CDH18: variants seen among roughly 807,000 people sequenced by gnomAD.
The protein encoded by CDH18 is cadherin-18.
Under a neutral mutation model 67.9 loss-of-function variants are expected in CDH18, and 31 were observed. The observed-to-expected ratio is 0.46, with a 90% CI of 0.34 to 0.62. CDH18 has a LOEUF of 0.62. Ranked by LOEUF, CDH18 falls within the 20% of genes least tolerant of loss-of-function variation. CDH18 has a pLI of 0.01. For missense variants in CDH18, 890 were observed against 975.5 expected (o/e 0.91, Z 1.17); for synonymous variants, 362 against 347.2 (o/e 1.04, Z -0.48).
chr5:20,402,894 C>A (rs975156550), intron 1 of CDH18, among the ~76,000 whole-genome samples: 1 of 151,106 alleles, frequency 6.6e-6, no homozygotes, highest in African/African-American at 2.4e-5. Flanking sequence ...GGTAACAGAG[C>A]AAGCCTTCAT....
rs545718940 is a variant in CDH18 at position 20,502,312 on chromosome 5, G to A, written c.-580+73150C>T. The stretch of plus-strand genomic sequence containing the variant: ...ACACACTCGACCTGTGAAAATATGA[G>A]TAAGAGAAAATATAACACACTACCA... On this transcript the variant is annotated intron_variant, in intron 1 of 14. Coordinates refer to the CDH18 transcript ENST00000507958. Among the ~76,000 whole-genome samples, 10 of 152,260 alleles carry A rather than the reference G, an allele frequency of 6.6e-5. No individual in the cohort carries two copies. The South Asian group carries it at 2.1e-3, about 32-fold the overall frequency.
At chr5:20,034,788 C>T (rs1480089358) in intron 2 of CDH18, among the ~76,000 whole-genome samples, 1 of 151,952 alleles carries the variant, frequency 6.6e-6, no homozygotes, top group Non-Finnish European at 1.5e-5. Context: ...CAATAGATCT[C>T]TCTCTTTCTC....
At chr5:19,808,700 G>A (rs761285836) in intron 3 of CDH18, among the ~76,000 whole-genome samples, 5 of 151,288 alleles carry the variant, frequency 3.3e-5, no homozygotes, top group Non-Finnish European at 5.9e-5. Context: ...GCATGGTGGC[G>A]CACACCTGTG....
chr5:20,557,453 T>C (rs1355143153), intron 1 of CDH18, among the ~76,000 whole-genome samples: 1 of 152,150 alleles, frequency 6.6e-6, no homozygotes, highest in East Asian at 1.9e-4. Flanking sequence ...ACATATGTGA[T>C]AAATAATCCA....
intron 2 of CDH18, among the ~76,000 whole-genome samples, chr5:20,129,159 T>A (rs1455542641): frequency 6.6e-6 from 1 of 151,872 alleles, no homozygotes. Flanking sequence ...AAAGGTTGAT[T>A]GAGACAGAGA....
At chr5:20,113,955 AC>A (rs1347736446) in intron 2 of CDH18, among the ~76,000 whole-genome samples, 3 of 152,112 alleles carry the variant, frequency 2.0e-5, no homozygotes, top group Non-Finnish European at 4.4e-5. Context: ...TTCATTCTTT[AC>A]CCCAACAGTC....
intron 1 of CDH18, among the ~76,000 whole-genome samples, chr5:20,519,487 G>A (rs923390631): frequency 2.0e-5 from 3 of 152,134 alleles, no homozygotes; most frequent in African/African-American, 7.2e-5. Context: ...GGAGGAGAGG[G>A]GAGGGATAGC....
intron 2 of CDH18, among the ~76,000 whole-genome samples, chr5:20,038,688 G>C (rs1248211769): frequency 6.6e-6 from 1 of 151,976 alleles, no homozygotes; most frequent in Non-Finnish European, 1.5e-5. Flanking sequence ...TTGATGAAAT[G>C]TATCTCAAAA....
intron 3 of CDH18, among the ~76,000 whole-genome samples, chr5:19,791,835 TACACTAG>T (rs1776391181): frequency 6.6e-6 from 1 of 152,224 alleles, no homozygotes; most frequent in Admixed American, 6.5e-5. Context: ...CTTATTCATT[TACACTAG>T]CTGAAGTAAG....
At chr5:19,996,012 G>A (rs934587549) in intron 2 of CDH18, among the ~76,000 whole-genome samples, 3 of 151,990 alleles carry the variant, frequency 2.0e-5, no homozygotes, top group Non-Finnish European at 4.4e-5. Context: ...CCAGTAAAGA[G>A]GCAAATGTTC....
At chr5:19,875,370 A>C (rs193247698) in intron 2 of CDH18, among the ~76,000 whole-genome samples, 93 of 152,012 alleles carry the variant, frequency 6.1e-4, no homozygotes, top group African/African-American at 2.2e-3. Flanking sequence ...TGTACTTGAA[A>C]ATATTCTTCT....
At chr5:20,406,245 A>T (rs1746241077) in intron 1 of CDH18, among the ~76,000 whole-genome samples, 1 of 152,198 alleles carries the variant, frequency 6.6e-6, no homozygotes, top group Non-Finnish European at 1.5e-5. Flanking sequence ...ACGGAATACT[A>T]TGCAGCCATA....
At chr5:20,170,026 AATTTT>A (rs1201140032) in intron 2 of CDH18, among the ~76,000 whole-genome samples, 4 of 151,744 alleles carry the variant, frequency 2.6e-5, no homozygotes, top group African/African-American at 7.3e-5. Flanking sequence ...TTCTTTTTAA[AATTTT>A]ATTTTAAGTT....
intron 1 of CDH18, among the ~76,000 whole-genome samples, chr5:20,551,322 T>C (rs193140650): frequency 1.3e-5 from 2 of 152,338 alleles, no homozygotes; most frequent in East Asian, 1.9e-4. Context: ...AATCAGCTCC[T>C]GACTTTTACA....
Position 19,475,553 on chromosome 5 carries a change from CAT to C in CDH18, c.1883-1839_1883-1838del, listed in dbSNP as rs59263868. On this transcript the variant is annotated intron_variant, in intron 12 of 12. Transcript: ENST00000382275. ...TCTGCAACACACACACACACACACA[CAT>C]ACACACACACATACACATAAGGTAT... is the stretch of plus-strand genomic sequence containing the variant. 3.6e-3 allele frequency among the ~76,000 whole-genome samples: 547 copies of C among 151,862 alleles called. 3 individuals carry two copies. Among genetic ancestry groups the C allele is most frequent in the African/African-American group, 0.012 (510 of 41,444 alleles).
intron 10 of CDH18, among the ~76,000 whole-genome samples, chr5:19,510,287 C>A (rs1744915799): frequency 6.6e-6 from 1 of 152,032 alleles, no homozygotes; most frequent in Admixed American, 6.6e-5. Context: ...CAGATTCGGG[C>A]CATTTCACTC....
intron 1 of CDH18, among the ~76,000 whole-genome samples, chr5:20,328,884 G>C (rs1365803519): frequency 1.3e-5 from 2 of 152,076 alleles, no homozygotes; most frequent in South Asian, 4.2e-4. Flanking sequence ...GGGAAGATGA[G>C]GGGGTAGGAT....
chr5:19,570,724 A>T (rs1319744971), intron 8 of CDH18, among the ~76,000 whole-genome samples: 1 of 152,066 alleles, frequency 6.6e-6, no homozygotes, highest in Non-Finnish European at 1.5e-5. Flanking sequence ...GACACAAAAA[A>T]ACTCCTTTGA....
chr5:20,363,548 C>G (rs1742271741), intron 1 of CDH18, among the ~76,000 whole-genome samples: 1 of 151,202 alleles, frequency 6.6e-6, no homozygotes, highest in Non-Finnish European at 1.5e-5. Flanking sequence ...TTAGCTCCAC[C>G]TTTGCATGTA....
Sources: allele counts gnomAD v4.1 joint callset (sites outside exome capture counted in the v4.1 genomes callset), GRCh38; gene constraint gnomAD v4.1.1; transcripts MANE v1.5; gene names NCBI Gene and HGNC (gene_info 2026-07-23, HGNC 2026-07-21).